The following GALK2 variants were observed in gnomAD, a reference collection of about 807,000 sequenced individuals.
GALK2 encodes the protein N-acetylgalactosamine kinase.
A neutral mutation model predicts 52.4 loss-of-function variants in GALK2; 36 were observed. That is an observed-to-expected ratio of 0.69 (90% CI 0.53 to 0.91). The LOEUF is 0.91. Ranked by LOEUF, GALK2 falls within the 40% of genes least tolerant of loss-of-function variation. The pLI is 0.00. For missense variants in GALK2, 579 were observed against 559.1 expected, an observed-to-expected ratio of 1.04 and a Z score of -0.36; for synonymous variants, 176 against 199.1, an observed-to-expected ratio of 0.88 and a Z score of 0.98.
chr15:49,296,086 A>G (rs1225053799), intron 8 of GALK2, among the ~76,000 whole-genome samples: 3 of 152,176 alleles, frequency 2.0e-5, no homozygotes, highest in African/African-American at 7.2e-5. Flanking sequence ...GGCATGCTTC[A>G]TCTTATTTCT....
chr15:49,203,329 G>A (rs1595646422), intron 2 of GALK2, among the ~76,000 whole-genome samples: 2 of 152,118 alleles, frequency 1.3e-5, no homozygotes, highest in East Asian at 3.9e-4. Context: ...GGGATTACAG[G>A]TGTGAGCCAC....
chr15:49,338,837 T>C (rs911242718), intron 3 of GALK2, among the ~76,000 whole-genome samples: 1 of 152,214 alleles, frequency 6.6e-6, no homozygotes, highest in Non-Finnish European at 1.5e-5. Flanking sequence ...TTTCATTCTT[T>C]TTTTCTCTAA....
chr15:49,251,500 T>C (rs1489121750), intron 5 of GALK2, among the ~76,000 whole-genome samples: 1 of 152,180 alleles, frequency 6.6e-6, no homozygotes, highest in African/African-American at 2.4e-5. Context: ...ACTTTTTCTT[T>C]TATTGTGGCA....
chr15:49,173,393 T>C (rs2085231475), intron 1 of GALK2, among the ~76,000 whole-genome samples: 1 of 152,238 alleles, frequency 6.6e-6, no homozygotes, highest in Non-Finnish European at 1.5e-5. Flanking sequence ...CTTGAGTCTC[T>C]ATTCTACCAG....
intron 8 of GALK2, among the ~76,000 whole-genome samples, chr15:49,308,157 G>A (rs562156638): frequency 1.3e-5 from 2 of 152,228 alleles, no homozygotes; most frequent in Admixed American, 1.3e-4. Flanking sequence ...CTCAGAGCAC[G>A]GACTTTTTAT....
chr15:49,268,983 G>T (rs1046962296), intron 5 of GALK2, among the ~76,000 whole-genome samples: 10 of 152,250 alleles, frequency 6.6e-5, no homozygotes, highest in African/African-American at 2.4e-4. Context: ...TCTAAGTTTT[G>T]TTAAGCATTG....
In GALK2 at chr15:49,319,607, T is replaced by G; in HGVS notation, c.971T>G (p.Leu324Arg). 6.2e-7 allele frequency: 1 copy of G among 1,614,154 alleles called. No individual in the cohort carries two copies. Among genetic ancestry groups the G allele is most frequent in the Non-Finnish European group, 8.5e-7 (1 of 1,179,996 alleles). The stretch of plus-strand genomic sequence containing the variant: ...CCCCATCCTCTTCCTTCCTCAGTGC[T>G]CATCTTCAAACTCTATCAGCGGGCA... ...QILSPNTQDV[L>R]IFKLYQRAKH... The change falls in exon 9 of 10, where the codon CTC (leucine) becomes CGC (arginine). Residue 324 changes from leucine to arginine, a missense_variant. Physicochemically the swap from Leu to Arg is moderately radical, Grantham distance 102. Transcript: ENST00000560031.
At chr15:49,346,205 CA>C (rs1208023548) in intron 3 of GALK2, among the ~76,000 whole-genome samples, 1 of 152,190 alleles carries the variant, frequency 6.6e-6, no homozygotes, top group Non-Finnish European at 1.5e-5. Context: ...CTGTCCAATT[CA>C]AACTGGTTGA....
chr15:49,303,908 A>G (rs1218853377), intron 8 of GALK2, among the ~76,000 whole-genome samples: 1 of 152,238 alleles, frequency 6.6e-6, no homozygotes, highest in African/African-American at 2.4e-5. Context: ...ATTTAAGTCT[A>G]AGGAAATGTT....
chr15:49,313,963 TCTTTC>T, intron 8 of GALK2, among the ~76,000 whole-genome samples: 1 of 152,244 alleles, frequency 6.6e-6, no homozygotes, highest in Non-Finnish European at 1.5e-5. Context: ...TCAGTGGGAC[TCTTTC>T]AGAGATGAAA....
intron 2 of GALK2, among the ~76,000 whole-genome samples, chr15:49,203,232 G>A (rs1005327445): frequency 6.6e-6 from 1 of 152,012 alleles, no homozygotes; most frequent in African/African-American, 2.4e-5. Context: ...TGTATTGTTA[G>A]TAGAGATGGG....
chr15:49,353,629 T>G (rs2042586704), intron 3 of GALK2: 1 of 151,122 alleles, frequency 6.6e-6, no homozygotes, highest in African/African-American at 2.4e-5. Flanking sequence ...TTTTTTTTTT[T>G]GTAAAATCTC....
At chr15:49,326,147 T>G (rs1409403923) in intron 9 of GALK2, among the ~76,000 whole-genome samples, 1 of 152,144 alleles carries the variant, frequency 6.6e-6, no homozygotes, top group Non-Finnish European at 1.5e-5. Context: ...ATGTCATGGC[T>G]GGCTTTAATG....
chr15:49,240,927 T>C (rs892546161), intron 5 of GALK2, among the ~76,000 whole-genome samples: 9 of 152,190 alleles, frequency 5.9e-5, no homozygotes, highest in Non-Finnish European at 1.2e-4. Flanking sequence ...TTCAGGGTTT[T>C]AGCAGTAGGG....
At chr15:49,156,465 C>T in intron 1 of GALK2, 2 of 476,164 alleles carry the variant, frequency 4.2e-6, no homozygotes, top group South Asian at 3.5e-5. Context: ...AGTCTCTATC[C>T]AGAAATTAAG....
chr15:49,291,767 G>T (rs1336196338), intron 7 of GALK2, among the ~76,000 whole-genome samples: 1 of 152,166 alleles, frequency 6.6e-6, no homozygotes, highest in Non-Finnish European at 1.5e-5. Flanking sequence ...ACTACCACCA[G>T]TGACCTAATG....
chr15:49,299,735 TTTTC>T (rs869275324), intron 8 of GALK2, among the ~76,000 whole-genome samples: 1,799 of 76,928 alleles, frequency 0.023, 31 homozygotes, highest in East Asian at 0.063. Context: ...TCTTTCTTTC[TTTTC>T]TTTCTTTCTT....
intron 3 of GALK2, among the ~76,000 whole-genome samples, chr15:49,232,906 A>G (rs932685886): frequency 1.3e-5 from 2 of 152,204 alleles, no homozygotes; most frequent in African/African-American, 4.8e-5. Flanking sequence ...CAACCGTTCA[A>G]CAAGTCTCTA....
chr15:49,177,714 T>C, intron 1 of GALK2: 1 of 726,864 alleles, frequency 1.4e-6, no homozygotes. Context: ...TCTTTCGGCC[T>C]GCAGATGTCA....
Sources: allele counts gnomAD v4.1 joint callset (sites outside exome capture counted in the v4.1 genomes callset), GRCh38; gene constraint gnomAD v4.1.1; transcripts MANE v1.5; gene names NCBI Gene and HGNC (gene_info 2026-07-23, HGNC 2026-07-21).